LRRIQ3: variants seen among roughly 807,000 people sequenced by gnomAD.
The protein encoded by LRRIQ3 is leucine-rich repeat and IQ domain-containing protein 3.
In LRRIQ3, 75 loss-of-function variants were observed where a neutral mutation model predicts 59.3. The ratio of observed to expected loss-of-function variants is 1.26; its 90% confidence interval spans 1.05 to 1.53. The LOEUF is 1.53. Ranked by LOEUF, LRRIQ3 falls within the 40% of genes most tolerant of loss-of-function variation. The pLI, the probability that LRRIQ3 is intolerant of heterozygous loss-of-function variation, is 0.00. For missense variants in LRRIQ3, 831 were observed against 710.0 expected, an observed-to-expected ratio of 1.17 and a Z score of -1.94; for synonymous variants, 250 against 231.3, an observed-to-expected ratio of 1.08 and a Z score of -0.73.
At chr1:74,046,426 C>T in intron 6 of LRRIQ3, among the ~76,000 whole-genome samples, 1 of 152,122 alleles carries the variant, frequency 6.6e-6, no homozygotes. Flanking sequence ...AACTGGATCC[C>T]TACCTTACAC....
chr1:74,161,799 C>G (rs1381242214), intron 3 of LRRIQ3, among the ~76,000 whole-genome samples: 3 of 151,876 alleles, frequency 2.0e-5, no homozygotes, highest in African/African-American at 7.2e-5. Flanking sequence ...CAAGTAAACT[C>G]CAGACAATAC....
At chr1:74,158,218 C>T (rs1648454882) in intron 3 of LRRIQ3, among the ~76,000 whole-genome samples, 1 of 152,106 alleles carries the variant, frequency 6.6e-6, no homozygotes, top group African/African-American at 2.4e-5. Flanking sequence ...TCATTAATTC[C>T]TGTTCCCCCA....
At chr1:74,103,301 G>A (rs887762446) in intron 5 of LRRIQ3, among the ~76,000 whole-genome samples, 1 of 151,886 alleles carries the variant, frequency 6.6e-6, no homozygotes, top group African/African-American at 2.4e-5. Context: ...TTGCAAGTTT[G>A]TAGGCCTTAT....
intron 6 of LRRIQ3, among the ~76,000 whole-genome samples, chr1:74,059,751 G>C (rs896471201): frequency 6.6e-6 from 1 of 151,950 alleles, no homozygotes; most frequent in African/African-American, 2.4e-5. Flanking sequence ...TTGAAATTTT[G>C]ATAGGGATTG....
chr1:74,176,222 TTTCA>T (rs1293809245), intron 3 of LRRIQ3, among the ~76,000 whole-genome samples: 1 of 152,142 alleles, frequency 6.6e-6, no homozygotes, highest in African/African-American at 2.4e-5. Flanking sequence ...TGAGGAATAT[TTTCA>T]TTGTCATAGA....
intron 3 of LRRIQ3, among the ~76,000 whole-genome samples, chr1:74,170,245 C>T (rs1349553821): frequency 6.6e-6 from 1 of 152,080 alleles, no homozygotes; most frequent in Non-Finnish European, 1.5e-5. Context: ...TTGGAGAAAC[C>T]ATTGCCAAGA....
At chr1:74,060,007 T>C (rs567487525) in intron 6 of LRRIQ3, among the ~76,000 whole-genome samples, 1 of 152,124 alleles carries the variant, frequency 6.6e-6, no homozygotes, top group Non-Finnish European at 1.5e-5. Flanking sequence ...TATTTGCGTA[T>C]TTTTATACTT....
At chr1:74,171,132 T>C (rs1457603048) in intron 3 of LRRIQ3, among the ~76,000 whole-genome samples, 1 of 152,186 alleles carries the variant, frequency 6.6e-6, no homozygotes, top group African/African-American at 2.4e-5. Context: ...ATCCTAACTT[T>C]CATGGCATTT....
rs763438841 is a variant in LRRIQ3 at position 74,182,491 on chromosome 1, C to T, written c.573+47G>A. 1.0e-5 allele frequency: 13 copies of T among 1,249,296 alleles called. No homozygotes were observed. In the African/African-American group the frequency reaches 1.7e-4, roughly 16 times the overall value. 77.4% of individuals were successfully genotyped at this position (1,249,296 alleles called of 1,614,324 possible). On this transcript the variant is annotated intron_variant, in intron 3 of 7. Coordinates refer to ENST00000354431, the MANE Select transcript of LRRIQ3 (RefSeq NM_001105659.2). ...ATATAGAACTCAGAAGCTAAAATTT[C>T]CCTTTTATACATTTAATTAAAATGA... is the stretch of plus-strand genomic sequence containing the variant.
chr1:74,142,628 G>A (rs534883100), intron 4 of LRRIQ3, among the ~76,000 whole-genome samples: 2 of 152,104 alleles, frequency 1.3e-5, no homozygotes, highest in East Asian at 3.9e-4. Flanking sequence ...CATGAATTTT[G>A]TATTTTTAAA....
chr1:74,114,502 C>A (rs765444635), intron 4 of LRRIQ3, among the ~76,000 whole-genome samples: 1 of 151,726 alleles, frequency 6.6e-6, no homozygotes, highest in Non-Finnish European at 1.5e-5. Context: ...TTTGGGAGGC[C>A]GAGGTGGGTA....
rs1248672142 is a variant in LRRIQ3, at chr1:74,030,428, A to G, written c.1719-3459T>C. Among the ~76,000 whole-genome samples, 10 of 152,264 alleles carry G rather than the reference A, an allele frequency of 6.6e-5. No individual in the cohort carries two copies. In the East Asian group the frequency reaches 1.4e-3, roughly 21 times the overall value. ...CAAAACAGAGATATAGACCAATGGA[A>G]TAGAACAGAGCCCTCAGAAATAATA... is the stretch of plus-strand genomic sequence containing the variant. On this transcript the variant is annotated intron_variant, in intron 7 of 7. Coordinates refer to ENST00000354431, the MANE Select transcript of LRRIQ3 (RefSeq NM_001105659.2).
At chr1:74,151,011 C>CTTT (rs59890149) in intron 4 of LRRIQ3, among the ~76,000 whole-genome samples, 2 of 63,392 alleles carry the variant, frequency 3.2e-5, no homozygotes, top group Non-Finnish European at 5.9e-5. Flanking sequence ...ATGATGCTTT[C>CTTT]TTTTTTTTTT....
rs147340301 is a variant in LRRIQ3 at position 74,033,977 on chromosome 1, T to C, written c.1719-7008A>G. Among the ~76,000 whole-genome samples, 1,102 of 152,122 alleles carry C rather than the reference T, an allele frequency of 7.2e-3. 14 individuals carry two copies. Among genetic ancestry groups the C allele is most frequent in the African/African-American group, 0.026 (1,064 of 41,546 alleles). On this transcript the variant is annotated intron_variant, in intron 7 of 7. Transcript: ENST00000354431. The stretch of plus-strand genomic sequence containing the variant: ...CCCTGACTAGCTTTTATCTGATACA[T>C]AGATTCTTTCATTTCAAAGTCTATC...
intron 6 of LRRIQ3, among the ~76,000 whole-genome samples, chr1:74,061,798 G>A (rs994724725): frequency 4.6e-5 from 7 of 152,136 alleles, no homozygotes; most frequent in Non-Finnish European, 7.4e-5. Context: ...AGTTTGGGAG[G>A]CCTAGTCCGG....
intron 4 of LRRIQ3, among the ~76,000 whole-genome samples, chr1:74,154,279 A>AAAAAAAAG (rs1648187710): frequency 7.6e-6 from 1 of 132,446 alleles, no homozygotes; most frequent in African/African-American, 2.9e-5. Flanking sequence ...AAAAAAAAAA[A>AAAAAAAAG]TGTAATATCT....
chr1:74,057,842 C>A (rs184677648), intron 6 of LRRIQ3, among the ~76,000 whole-genome samples: 153 of 151,944 alleles, frequency 1.0e-3, no homozygotes, highest in African/African-American at 3.6e-3. Flanking sequence ...GGGTTAATAT[C>A]AAAAATACAT....
intron 4 of LRRIQ3, among the ~76,000 whole-genome samples, chr1:74,153,939 C>G (rs757209352): frequency 2.0e-5 from 3 of 151,960 alleles, no homozygotes; most frequent in Non-Finnish European, 4.4e-5. Flanking sequence ...ATAACAACAA[C>G]AATGATAATT....
intron 5 of LRRIQ3, among the ~76,000 whole-genome samples, chr1:74,075,304 C>T (rs1490122939): frequency 6.6e-6 from 1 of 152,150 alleles, no homozygotes; most frequent in Non-Finnish European, 1.5e-5. Flanking sequence ...CAGGGGCTCA[C>T]ACCTGTAACC....
Sources: gnomAD v4.1 joint callset for allele counts (sites outside exome capture counted in the v4.1 genomes callset) on GRCh38, gnomAD v4.1.1 for gene constraint, MANE v1.5 for transcripts, NCBI Gene and HGNC (gene_info 2026-07-23, HGNC 2026-07-21) for gene names.